CHRM3: variants seen among roughly 807,000 people sequenced by gnomAD.
CHRM3 encodes muscarinic acetylcholine receptor M3.
Under a neutral mutation model 41.8 loss-of-function variants are expected in CHRM3, and 11 were observed. The ratio of observed to expected loss-of-function variants is 0.26; its 90% CI spans 0.17 to 0.44. CHRM3 has a LOEUF of 0.44. Among genes scored for constraint, CHRM3 ranks in the 20% least tolerant of loss-of-function variants. The pLI is 1.00. For synonymous variants in CHRM3, 297 were observed against 301.4 expected (o/e 0.99, Z 0.15); for missense variants, 571 against 745.4 (o/e 0.77, Z 2.72).
In CHRM3 at chr1:239,719,749, T is replaced by C. The variant is rs563550062; in HGVS notation, c.-147+41461T>C. On this transcript the variant is annotated intron_variant, in intron 5 of 6. Coordinates refer to ENST00000676153, the MANE Select transcript of CHRM3 (RefSeq NM_001375978.1). ...CGGCCTGGTTATATCTTCTTAAACG[T>C]AGGTAGTAGAGCCGCAACTCAGCGT... 5.9e-5 allele frequency: 9 copies of C among 151,998 alleles called. No individual in the cohort carries two copies. The South Asian group carries it at 1.7e-3, about 28-fold the overall frequency. The allele number at this position is 151,998 out of a possible 1,614,324, so 9.4% of individuals were successfully genotyped here.
intron 2 of CHRM3, among the ~76,000 whole-genome samples, chr1:239,539,313 G>C (rs1296227904): frequency 6.6e-6 from 1 of 152,192 alleles, no homozygotes; most frequent in Non-Finnish European, 1.5e-5. Flanking sequence ...TCAGCAGTTA[G>C]TGACACTGGT....
At chr1:239,858,848 A>T (rs1675341281) in intron 6 of CHRM3, among the ~76,000 whole-genome samples, 1 of 152,184 alleles carries the variant, frequency 6.6e-6, no homozygotes, top group Non-Finnish European at 1.5e-5. Context: ...TATAAATAGA[A>T]TTGTATAGTA....
At chr1:239,902,605 T>C (rs1244951435) in intron 6 of CHRM3, among the ~76,000 whole-genome samples, 1 of 152,162 alleles carries the variant, frequency 6.6e-6, no homozygotes, top group Admixed American at 6.5e-5. Context: ...TGGGTTTTAG[T>C]AGTGTGCTTT....
At chr1:239,511,949 A>G (rs929721763) in intron 2 of CHRM3, among the ~76,000 whole-genome samples, 1 of 152,198 alleles carries the variant, frequency 6.6e-6, no homozygotes, top group African/African-American at 2.4e-5. Context: ...GGAATCTGGT[A>G]GGAACATTAA....
intron 6 of CHRM3, among the ~76,000 whole-genome samples, chr1:239,858,718 ACCCTAGAGGAAG>A (rs1675329209): frequency 6.6e-6 from 1 of 151,926 alleles, no homozygotes; most frequent in African/African-American, 2.4e-5. Flanking sequence ...CATTCTCATC[ACCCTAGAGGAAG>A]CCCTGCATCC....
At chr1:239,654,769 T>C (rs1672564031) in intron 4 of CHRM3, among the ~76,000 whole-genome samples, 1 of 152,144 alleles carries the variant, frequency 6.6e-6, no homozygotes, top group Non-Finnish European at 1.5e-5. Flanking sequence ...CTGGCGTCCA[T>C]GAATGAGTTG....
At chr1:239,895,593 A>AT (rs1028312702) in intron 6 of CHRM3, among the ~76,000 whole-genome samples, 5 of 152,190 alleles carry the variant, frequency 3.3e-5, no homozygotes, top group African/African-American at 9.6e-5. Flanking sequence ...AATAGATTGG[A>AT]TTTTTTTTAA....
intron 5 of CHRM3, among the ~76,000 whole-genome samples, chr1:239,742,015 T>C (rs892735666): frequency 6.6e-6 from 1 of 152,176 alleles, no homozygotes; most frequent in African/African-American, 2.4e-5. Context: ...TCAGTCCCCT[T>C]TGTGGTGACC....
chr1:239,839,440 G>C (rs1006945095), intron 6 of CHRM3, among the ~76,000 whole-genome samples: 3 of 152,194 alleles, frequency 2.0e-5, no homozygotes, highest in African/African-American at 7.2e-5. Flanking sequence ...TATGGGGTCT[G>C]TAAATGAAAG....
At chr1:239,663,213 G>T (rs1335011162) in intron 4 of CHRM3, among the ~76,000 whole-genome samples, 1 of 151,918 alleles carries the variant, frequency 6.6e-6, no homozygotes, top group Non-Finnish European at 1.5e-5. Context: ...GCATGTCTCT[G>T]CCTGCACCCC....
intron 5 of CHRM3, among the ~76,000 whole-genome samples, chr1:239,688,842 ATATT>A (rs1194413152): frequency 7.8e-5 from 11 of 141,074 alleles, no homozygotes; most frequent in Middle Eastern, 6.0e-3. Context: ...TATAATATAT[ATATT>A]TATATATTTT....
intron 2 of CHRM3, among the ~76,000 whole-genome samples, chr1:239,494,695 C>T (rs1436182591): frequency 1.3e-5 from 2 of 152,078 alleles, no homozygotes; most frequent in African/African-American, 4.8e-5. Flanking sequence ...TAATGCTCTC[C>T]CCAACCCAGC....
chr1:239,670,013 G>T (rs1341703552), intron 4 of CHRM3, among the ~76,000 whole-genome samples: 1 of 152,060 alleles, frequency 6.6e-6, no homozygotes, highest in South Asian at 2.1e-4. Context: ...CTTGAAATAC[G>T]AGATTTTAAG....
At chr1:239,651,992 T>G (rs969160605) in intron 4 of CHRM3, among the ~76,000 whole-genome samples, 35 of 151,830 alleles carry the variant, frequency 2.3e-4, no homozygotes, top group South Asian at 1.2e-3. Context: ...TTTGTTTTTT[T>G]TTTTTTTTTT....
intron 5 of CHRM3, among the ~76,000 whole-genome samples, chr1:239,787,495 G>A (rs890646146): frequency 6.6e-6 from 1 of 152,126 alleles, no homozygotes; most frequent in Non-Finnish European, 1.5e-5. Flanking sequence ...ACTCCCAGTG[G>A]CAGGAAAGAT....
chr1:239,743,666 C>T (rs1190284582), intron 5 of CHRM3, among the ~76,000 whole-genome samples: 1 of 152,036 alleles, frequency 6.6e-6, no homozygotes, highest in Non-Finnish European at 1.5e-5. Flanking sequence ...AATTACAGCC[C>T]AGATCCAAAC....
intron 5 of CHRM3, among the ~76,000 whole-genome samples, chr1:239,716,370 G>A (rs2148284274): frequency 6.6e-6 from 1 of 152,196 alleles, no homozygotes; most frequent in Admixed American, 6.5e-5. Flanking sequence ...CCATGATTGT[G>A]ACTGGCTGAA....
At chr1:239,895,754 G>T (rs948188180) in intron 6 of CHRM3, among the ~76,000 whole-genome samples, 25 of 152,240 alleles carry the variant, frequency 1.6e-4, no homozygotes, top group African/African-American at 5.3e-4. Flanking sequence ...ACTTATAAGT[G>T]GGAGCTGAGC....
intron 1 of CHRM3, among the ~76,000 whole-genome samples, chr1:239,473,265 A>AG (rs1384938131): frequency 5.5e-5 from 6 of 108,950 alleles, no homozygotes; most frequent in African/African-American, 3.5e-4. Context: ...GCATATTTGA[A>AG]AAAAAAAAAA....
Sources: allele counts gnomAD v4.1 joint callset (sites outside exome capture counted in the v4.1 genomes callset), GRCh38; gene constraint gnomAD v4.1.1; transcripts MANE v1.5; gene names NCBI Gene and HGNC (gene_info 2026-07-23, HGNC 2026-07-21).